The following HTR1F variants were observed in gnomAD, a reference collection of about 807,000 sequenced individuals.
The protein encoded by HTR1F is 5-hydroxytryptamine receptor 1F, also known as 5-hydroxytryptamine (serotonin) receptor 1F, G protein-coupled.
Under a neutral mutation model 24.0 loss-of-function variants are expected in HTR1F, and 17 were observed. That is an observed-to-expected ratio of 0.71 (90% CI 0.48 to 1.06). The LOEUF is 1.06. Among genes scored for constraint, HTR1F ranks in the 50% least tolerant of loss-of-function variants. The pLI, the probability that HTR1F is intolerant of heterozygous loss-of-function variation, is 0.00. For synonymous variants in HTR1F, 186 were observed against 156.8 expected, an observed-to-expected ratio of 1.19 and a Z score of -1.39; for missense variants, 391 against 427.8, an observed-to-expected ratio of 0.91 and a Z score of 0.76.
chr3:87,897,179 G>A (rs1341672324), intron 2 of HTR1F, among the ~76,000 whole-genome samples: 1 of 150,606 alleles, frequency 6.6e-6, no homozygotes, highest in East Asian at 1.9e-4. Context: ...AATGAGCTGT[G>A]AGCAAATGGT....
intron 2 of HTR1F, among the ~76,000 whole-genome samples, chr3:87,948,339 C>T (rs1704758048): frequency 6.6e-6 from 1 of 152,030 alleles, no homozygotes; most frequent in Non-Finnish European, 1.5e-5. Context: ...TAAAGAGGCT[C>T]CAAGACATTG....
chr3:87,958,522 C>T (rs1490813803), intron 2 of HTR1F, among the ~76,000 whole-genome samples: 2 of 151,672 alleles, frequency 1.3e-5, no homozygotes, highest in East Asian at 3.9e-4. Flanking sequence ...ACTCCACAAA[C>T]ATTAATTCTA....
intron 2 of HTR1F, among the ~76,000 whole-genome samples, chr3:87,920,411 C>A (rs995070425): frequency 7.9e-5 from 12 of 151,820 alleles, no homozygotes; most frequent in Non-Finnish European, 1.3e-4. Context: ...AATAAAAAAA[C>A]AAGCATATCT....
chr3:87,959,764 TG>T (rs1405142025), intron 2 of HTR1F, among the ~76,000 whole-genome samples: 6 of 114,062 alleles, frequency 5.3e-5, no homozygotes, highest in African/African-American at 2.1e-4. Flanking sequence ...GAGACCACCA[TG>T]GGTTTTTTTT....
intron 2 of HTR1F, among the ~76,000 whole-genome samples, chr3:87,989,175 T>C (rs1250893114): frequency 1.3e-5 from 2 of 152,180 alleles, no homozygotes; most frequent in Admixed American, 1.3e-4. Flanking sequence ...TTCTATTTTA[T>C]TATACTCCAA....
intron 2 of HTR1F, among the ~76,000 whole-genome samples, chr3:87,871,515 T>C (rs183967051): frequency 2.0e-5 from 3 of 152,228 alleles, no homozygotes; most frequent in Admixed American, 1.3e-4. Context: ...ATCTGACATC[T>C]TTCCAAATCT....
chr3:87,948,086 T>G (rs913004623), intron 2 of HTR1F, among the ~76,000 whole-genome samples: 2 of 152,202 alleles, frequency 1.3e-5, no homozygotes, highest in Non-Finnish European at 2.9e-5. Context: ...AAAAATGTTA[T>G]AAAACATTAA....
At chr3:87,799,959 T>A (rs1009499290) in intron 1 of HTR1F, among the ~76,000 whole-genome samples, 1 of 152,160 alleles carries the variant, frequency 6.6e-6, no homozygotes, top group Non-Finnish European at 1.5e-5. Flanking sequence ...TTTTTTAAAG[T>A]TTTTCTCCAG....
intron 2 of HTR1F, among the ~76,000 whole-genome samples, chr3:87,935,140 T>C (rs1704380553): frequency 1.3e-5 from 2 of 152,142 alleles, no homozygotes; most frequent in Non-Finnish European, 2.9e-5. Context: ...AGTGCTGGGA[T>C]TACAGGTGTG....
chr3:87,820,731 A>G (rs1156965703), intron 1 of HTR1F, among the ~76,000 whole-genome samples: 1 of 152,136 alleles, frequency 6.6e-6, no homozygotes, highest in Non-Finnish European at 1.5e-5. Flanking sequence ...TAAATTTATT[A>G]TGATTAGCAT....
At chr3:87,909,555 G>C (rs1443561824) in intron 2 of HTR1F, among the ~76,000 whole-genome samples, 1 of 151,790 alleles carries the variant, frequency 6.6e-6, no homozygotes. Flanking sequence ...ACAAACACTT[G>C]GTAGAAATTC....
chr3:87,976,391 CA>C (rs909773849), intron 2 of HTR1F, among the ~76,000 whole-genome samples: 87 of 151,170 alleles, frequency 5.8e-4, no homozygotes, highest in Non-Finnish European at 1.0e-3. Context: ...TATTATGGAT[CA>C]AAAAAAAATC....
intron 1 of HTR1F, among the ~76,000 whole-genome samples, chr3:87,818,115 C>T (rs1301879364): frequency 1.3e-5 from 2 of 152,124 alleles, no homozygotes; most frequent in Non-Finnish European, 2.9e-5. Flanking sequence ...TGAAGAAGCT[C>T]TCAGCAAAGA....
intron 2 of HTR1F, among the ~76,000 whole-genome samples, chr3:87,898,188 A>G (rs1302438335): frequency 6.6e-6 from 1 of 152,218 alleles, no homozygotes; most frequent in Non-Finnish European, 1.5e-5. Context: ...CCAGATTACA[A>G]TACAGTGTGA....
chr3:87,968,951 G>A (rs1367038254), intron 2 of HTR1F, among the ~76,000 whole-genome samples: 4 of 152,230 alleles, frequency 2.6e-5, no homozygotes, highest in Non-Finnish European at 5.9e-5. Flanking sequence ...AGGGACCAAG[G>A]TACAGCTTGG....
In HTR1F at chr3:87,973,079, G is replaced by A. The variant is rs530088466; in HGVS notation, c.-42-17629G>A. 1.6e-4 allele frequency among the ~76,000 whole-genome samples: 24 copies of A among 152,196 alleles called. No individual in the cohort carries two copies. In the East Asian group the frequency reaches 2.7e-3, roughly 17 times the overall value. ...CCAGCTACTCGGGAAACTGAGGCAG[G>A]AGAATCGCTTGAACCCGGGAGGCGG... On this transcript the variant is annotated intron_variant, in intron 2 of 2. Coordinates refer to ENST00000319595, the MANE Select transcript of HTR1F (RefSeq NM_001322209.2).
intron 1 of HTR1F, among the ~76,000 whole-genome samples, chr3:87,801,047 T>C (rs1468183672): frequency 2.0e-5 from 3 of 152,218 alleles, no homozygotes; most frequent in Non-Finnish European, 4.4e-5. Flanking sequence ...ATTACTATAG[T>C]TATTTCTATT....
At chr3:87,922,960 T>C (rs1427351771) in intron 2 of HTR1F, among the ~76,000 whole-genome samples, 2 of 151,420 alleles carry the variant, frequency 1.3e-5, no homozygotes, top group African/African-American at 2.4e-5. Context: ...TAGGGAGAGA[T>C]GGGGTCTAGT....
intron 2 of HTR1F, among the ~76,000 whole-genome samples, chr3:87,916,275 C>T (rs990660834): frequency 9.8e-5 from 12 of 122,610 alleles, no homozygotes; most frequent in Non-Finnish European, 1.7e-4. Flanking sequence ...CACACAGGAC[C>T]TATAAAACAA....
Sources: gnomAD v4.1 joint callset for allele counts (sites outside exome capture counted in the v4.1 genomes callset) on GRCh38, gnomAD v4.1.1 for gene constraint, MANE v1.5 for transcripts, NCBI Gene and HGNC (gene_info 2026-07-23, HGNC 2026-07-21) for gene names.